The following SV2B variants were observed in gnomAD, a reference collection of about 807,000 sequenced individuals.
SV2B encodes the protein solute carrier family 22 member B2.
SV2B carries 41 observed loss-of-function variants against 73.9 expected under a neutral mutation model. That is an observed-to-expected ratio of 0.56 (90% CI 0.43 to 0.72). The LOEUF (loss-of-function observed/expected upper bound fraction) is 0.72, where lower values mean the gene tolerates loss of function less well. SV2B is among the 30% of genes least tolerant of loss of function. SV2B has a pLI of 0.00. For synonymous variants in SV2B, 314 were observed against 314.2 expected (o/e 1.00, Z 0.01); for missense variants, 764 against 857.8 (o/e 0.89, Z 1.37).
chr15:91,283,949 A>G lies in SV2B; in HGVS notation c.1508-72A>G. 1 of 1,519,978 alleles carries G rather than the reference A, an allele frequency of 6.6e-7. No homozygotes were observed. The highest frequency in any genetic ancestry group is 9.1e-7 in the Non-Finnish European group (1 of 1,100,114). 94.2% of individuals were successfully genotyped at this position (1,519,978 alleles called of 1,614,324 possible). A position where few individuals can be genotyped will look rare whatever the true frequency, so the allele number is the denominator to read the frequency against. ...CTGCCTACAGGAGGGGGCAGACTTC[A>G]TCCCTGCCTCTGCCTTTCTCTCTCC... On this transcript the variant is annotated intron_variant, in intron 10 of 12. Coordinates refer to ENST00000394232, the MANE Select transcript of SV2B (RefSeq NM_001323032.3). The surrounding 1 kb of genome is among the most constrained non-coding windows in gnomAD (Gnocchi z 4.3).
chr15:91,131,657 A>T (rs559202166), intron 1 of SV2B, among the ~76,000 whole-genome samples: 268 of 151,914 alleles, frequency 1.8e-3, no homozygotes, highest in Admixed American at 4.8e-3. Context: ...ATTTGAAAAA[A>T]AAAAACAAAA....
rs1486672961 is a variant in SV2B at position 91,245,460 on chromosome 15, A to G, written c.452-6359A>G. Reference sequence around the variant, plus strand: ...AATACAAAAATAAAGCCTGCTGACAACAGCTGTCTCTGAGTGGTGGTATGA... The same window carrying G: ...AATACAAAAATAAAGCCTGCTGACAGCAGCTGTCTCTGAGTGGTGGTATGA... On this transcript the variant is annotated intron_variant, in intron 2 of 12. Coordinates refer to ENST00000394232, the MANE Select transcript of SV2B (RefSeq NM_001323032.3). This position sits in a 1 kb window ranked among gnomAD's most constrained non-coding sequence, Gnocchi z 4.2. Among the ~76,000 whole-genome samples, 1 of 152,196 alleles carries G rather than the reference A, an allele frequency of 6.6e-6. No homozygotes were observed. Among genetic ancestry groups the G allele is most frequent in the Non-Finnish European group, 1.5e-5 (1 of 68,042 alleles).
chr15:91,272,353 T>C (rs1163311842), intron 9 of SV2B, among the ~76,000 whole-genome samples: 2 of 152,202 alleles, frequency 1.3e-5, no homozygotes, highest in African/African-American at 4.8e-5. Context: ...TTACCTTCTC[T>C]TCCTGGGAAG....
At chr15:91,186,657 A>C (rs11858387) in intron 1 of SV2B, among the ~76,000 whole-genome samples, 52,077 of 152,080 alleles carry the variant, frequency 0.34, 10,124 homozygotes, top group African/African-American at 0.5. Context: ...TGGAAGCTAA[A>C]TAATGTGTAC....
At position 91,197,876 on chromosome 15, in the gene SV2B, A is replaced by T. The variant is rs1300608785; in HGVS notation, c.-391-27997A>T. 6.6e-6 allele frequency among the ~76,000 whole-genome samples: 1 copy of T among 152,132 alleles called. No homozygotes were observed. The highest frequency in any genetic ancestry group is 1.5e-5 in the Non-Finnish European group (1 of 68,026). On this transcript the variant is annotated intron_variant, in intron 1 of 12. Transcript: ENST00000394232. The surrounding 1 kb of genome is among the most constrained non-coding windows in gnomAD (Gnocchi z 4.9). Reference sequence around the variant, plus strand: ...TGGTGAAAACCCATCTCTACAAAAAATACAAAAATTAGCCAGGCATGGTGG... The same window carrying T: ...TGGTGAAAACCCATCTCTACAAAAATTACAAAAATTAGCCAGGCATGGTGG...
intron 1 of SV2B, among the ~76,000 whole-genome samples, chr15:91,175,893 T>C (rs1158137892): frequency 6.6e-6 from 1 of 151,772 alleles, no homozygotes; most frequent in East Asian, 1.9e-4. Flanking sequence ...ATTTTCTTTT[T>C]TTATTATTAT....
At chr15:91,264,635 A>T (rs961286190) in intron 6 of SV2B, among the ~76,000 whole-genome samples, 1 of 152,184 alleles carries the variant, frequency 6.6e-6, no homozygotes. Flanking sequence ...ACCTCCGTTG[A>T]GTGGCCTCCC....
rs1183746409 is a variant in SV2B, at chr15:91,139,891, A to T, written c.-392+39528A>T. Among the ~76,000 whole-genome samples, 2 of 152,220 alleles carry T rather than the reference A, an allele frequency of 1.3e-5. No homozygotes were observed. Among genetic ancestry groups the T allele is most frequent in the African/African-American group, 4.8e-5 (2 of 41,458 alleles). On this transcript the variant is annotated intron_variant, in intron 1 of 12. Coordinates refer to ENST00000394232, the MANE Select transcript of SV2B (RefSeq NM_001323032.3). This position sits in a 1 kb window ranked among gnomAD's most constrained non-coding sequence, Gnocchi z 5.2. ...CCTCTGGTAGCCAAGGAAGGGAGGA[A>T]GATCCGGCCACTTTGTTCCTAGAGT...
intron 1 of SV2B, among the ~76,000 whole-genome samples, chr15:91,102,864 CA>C (rs2041774662): frequency 6.6e-6 from 1 of 152,086 alleles, no homozygotes; most frequent in African/African-American, 2.4e-5. Flanking sequence ...GACATTTTAC[CA>C]GACATCTGGG....
At chr15:91,286,251 A>T (rs1390424072) in intron 11 of SV2B, among the ~76,000 whole-genome samples, 1 of 152,180 alleles carries the variant, frequency 6.6e-6, no homozygotes. Flanking sequence ...TCACTAGGAT[A>T]TGGGATGTGG....
Position 91,268,589 on chromosome 15 carries a change from A to C in SV2B, c.1357A>C (p.Lys453Gln). ...GGAAAATCAGATCCACCAACATGGGAAACTTGTGAATGATAAGTAAGTGAG... is the reference window on the plus strand; with the variant it reads ...GGAAAATCAGATCCACCAACATGGGCAACTTGTGAATGATAAGTAAGTGAG... Reference protein sequence around the residue: ...TMENQIHQHGKLVNDKFTRMY... With the variant: ...TMENQIHQHGQLVNDKFTRMY... Residue 453 changes from lysine to glutamine, a missense_variant, in exon 9 of 13, where the codon AAA becomes CAA. Transcript: ENST00000394232. This position sits in a 1 kb window ranked among gnomAD's most constrained non-coding sequence, Gnocchi z 4.4. 1 of 1,613,396 alleles carries C rather than the reference A, an allele frequency of 6.2e-7. No homozygotes were observed. Among genetic ancestry groups the C allele is most frequent in the Non-Finnish European group, 8.5e-7 (1 of 1,179,370 alleles).
chr15:91,181,395 C>G (rs889412973), intron 1 of SV2B, among the ~76,000 whole-genome samples: 2 of 152,038 alleles, frequency 1.3e-5, no homozygotes, highest in Non-Finnish European at 2.9e-5. Context: ...TCTCCAGCTG[C>G]GTGCTGGGAG....
intron 1 of SV2B, among the ~76,000 whole-genome samples, chr15:91,162,975 C>T (rs1370254253): frequency 6.6e-6 from 1 of 151,474 alleles, no homozygotes; most frequent in Non-Finnish European, 1.5e-5. Context: ...CAAGTGTTCT[C>T]ATTGTTCAAT....
At chr15:91,230,985 C>G (rs1186604516) in intron 2 of SV2B, among the ~76,000 whole-genome samples, 1 of 152,096 alleles carries the variant, frequency 6.6e-6, no homozygotes, top group Non-Finnish European at 1.5e-5. Flanking sequence ...TGCAATTGCT[C>G]TATTAATGAT....
intron 1 of SV2B, among the ~76,000 whole-genome samples, chr15:91,200,006 T>C (rs1034249868): frequency 2.0e-5 from 3 of 152,214 alleles, no homozygotes; most frequent in African/African-American, 7.2e-5. Flanking sequence ...TTCTGAACTA[T>C]CTGTTACCAC....
intron 1 of SV2B, among the ~76,000 whole-genome samples, chr15:91,207,974 G>T (rs2045706335): frequency 6.6e-6 from 1 of 152,208 alleles, no homozygotes; most frequent in Non-Finnish European, 1.5e-5. Context: ...CTGCATCAGG[G>T]AAGAAGGGGC....
chr15:91,114,327 C>T (rs2042120071), intron 1 of SV2B, among the ~76,000 whole-genome samples: 1 of 151,910 alleles, frequency 6.6e-6, no homozygotes, highest in African/African-American at 2.4e-5. Flanking sequence ...TCTATGAGTT[C>T]ACCACAAGGG....
At chr15:91,218,605 C>T (rs1288793060) in intron 1 of SV2B, among the ~76,000 whole-genome samples, 1 of 152,156 alleles carries the variant, frequency 6.6e-6, no homozygotes, top group Non-Finnish European at 1.5e-5. Context: ...CAATAAGGTT[C>T]TCAAATAACA....
rs779658758 is a variant in SV2B at position 91,226,371 on chromosome 15, C to T, written c.108C>T (p.Thr36=). 9 of 1,613,988 alleles carry T rather than the reference C, an allele frequency of 5.6e-6. No individual in the cohort carries two copies. Among genetic ancestry groups the T allele is most frequent in the African/African-American group, 2.7e-5 (2 of 74,906 alleles). ...NPEEDAQSDV[T]EGHDEEDEIY... ...AAGAAGATGCACAGAGTGATGTCAC[C>T]GAAGGCCATGATGAGGAAGACGAGA... Residue 36 remains threonine, a synonymous_variant, in exon 2 of 13, where the codon ACC becomes ACT. Transcript: ENST00000394232.
Sources: allele counts gnomAD v4.1 joint callset (sites outside exome capture counted in the v4.1 genomes callset), GRCh38; gene constraint gnomAD v4.1.1; non-coding constraint Gnocchi (gnomAD v3.1); transcripts MANE v1.5; gene names NCBI Gene and HGNC (gene_info 2026-07-23, HGNC 2026-07-21).